RAB5IF: variants seen among roughly 807,000 people sequenced by gnomAD.
RAB5IF encodes the protein GEL complex subunit OPTI.
A neutral mutation model predicts 20.3 loss-of-function variants in RAB5IF; 15 were observed. The observed-to-expected ratio is 0.74, with a 90% CI of 0.50 to 1.14. The LOEUF (loss-of-function observed/expected upper bound fraction) is 1.14. Ranked by LOEUF, RAB5IF falls within the 50% of genes most tolerant of loss-of-function variation. RAB5IF has a pLI of 0.00. For missense variants in RAB5IF, 148 were observed against 159.5 expected (o/e 0.93, Z 0.39); for synonymous variants, 67 against 63.7 (o/e 1.05, Z -0.25).
At chr20:36,606,987 T>C (rs997996075) in intron 1 of RAB5IF, among the ~76,000 whole-genome samples, 5 of 152,218 alleles carry the variant, frequency 3.3e-5, no homozygotes, top group Non-Finnish European at 7.3e-5. Context: ...CTGCAGTCTC[T>C]AATCTGCTGT....
intron 1 of RAB5IF, among the ~76,000 whole-genome samples, chr20:36,607,041 T>C (rs2038950691): frequency 6.6e-6 from 1 of 152,218 alleles, no homozygotes; most frequent in Admixed American, 6.5e-5. Context: ...TTCTGGAATC[T>C]AGGGCAGATC....
intron 1 of RAB5IF, among the ~76,000 whole-genome samples, chr20:36,607,476 C>G (rs990347594): frequency 6.6e-6 from 1 of 152,044 alleles, no homozygotes; most frequent in Non-Finnish European, 1.5e-5. Context: ...GTGATCCACC[C>G]GCCTCGGCCT....
rs1470671486 is a variant in RAB5IF, at chr20:36,605,872, G to C, written c.-80G>C. The C allele has an allele frequency of 6.4e-6, 5 of 779,650 alleles. No homozygotes were observed. The highest frequency in any genetic ancestry group is 7.3e-6 in the Non-Finnish European group (4 of 546,722). The allele number at this position is 779,650 out of a possible 1,614,324, so 48.3% of individuals were successfully genotyped here. A position where few individuals can be genotyped will look rare whatever the true frequency, so the allele number is the denominator to read the frequency against. On this transcript the variant is annotated 5_prime_UTR_variant, in exon 1 of 4. Transcript: ENST00000344795. The stretch of plus-strand genomic sequence containing the variant: ...GCTGAGCCTGCAGCCGCCCCGCGCC[G>C]TGACCTGCGACCCTAGACCCCGACT...
At chr20:36,607,665 C>T (rs776439013) in intron 1 of RAB5IF, 50 bp from the exon 2 acceptor site, 36 of 1,607,878 alleles carry the variant, frequency 2.2e-5, no homozygotes, top group Non-Finnish European at 3.1e-5. Flanking sequence ...CTTTTGCTGT[C>T]TTGTGGCACC....
At chr20:36,608,047 T>C (rs2038976734) in intron 2 of RAB5IF, 4 of 1,214,166 alleles carry the variant, frequency 3.3e-6, no homozygotes, top group Non-Finnish European at 1.1e-6. Context: ...GGCCAGTCCA[T>C]TCATTCATGG....
chr20:36,609,135 A>C (rs1231411454), intron 2 of RAB5IF, among the ~76,000 whole-genome samples: 1 of 145,344 alleles, frequency 6.9e-6, no homozygotes, highest in Non-Finnish European at 1.5e-5. Flanking sequence ...TGTTACTTCA[A>C]GGGGCTTTGG....
Position 36,609,752 on chromosome 20 carries a change from A to G in RAB5IF, c.348+22A>G, listed in dbSNP as rs758916736. 19 of 1,614,020 alleles carry G rather than the reference A, an allele frequency of 1.2e-5. No homozygotes were observed. In the African/African-American group the frequency reaches 1.7e-4, roughly 15 times the overall value. On this transcript the variant is annotated intron_variant, in intron 3 of 3. Transcript: ENST00000344795. ...CATGGTATGTGTAGCTGATAGTTTT[A>G]CAACAGGTACTGTTCATTTCATGAG... is the stretch of plus-strand genomic sequence containing the variant.
At chr20:36,607,512 C>G (rs1457408205) in intron 1 of RAB5IF, among the ~76,000 whole-genome samples, 1 of 152,102 alleles carries the variant, frequency 6.6e-6, no homozygotes, top group Non-Finnish European at 1.5e-5. Context: ...TTACAGGCTT[C>G]AGCCACCACG....
chr20:36,607,754 A>G lies in RAB5IF; in HGVS notation c.154A>G (p.Ile52Val), dbSNP rs778629556. ...LDVIYWFRQI[I>V]AVVLGVIWGV... ...TGTGATCTACTGGTTCCGACAGATC[A>G]TTGCTGTGGTCCTGGGTGTCATTTG... is the stretch of plus-strand genomic sequence containing the variant. Residue 52 changes from isoleucine (I) to valine (V), a missense_variant, in exon 2 of 4, where the codon ATT becomes GTT. By Grantham distance (29) the Ile-to-Val change is conservative (BLOSUM62 3). Transcript: ENST00000344795. 11 of 1,614,076 alleles carry G rather than the reference A, an allele frequency of 6.8e-6. No individual in the cohort carries two copies. Among genetic ancestry groups the G allele is most frequent in the Non-Finnish European group, 9.3e-6 (11 of 1,179,964 alleles).
rs775577217 is a variant in RAB5IF, at chr20:36,611,993, G to A, written c.349-17G>A. 19 of 1,613,940 alleles carry A rather than the reference G, an allele frequency of 1.2e-5. No individual in the cohort carries two copies. The highest frequency in any genetic ancestry group is 1.7e-5 in the Admixed American group (1 of 59,980). ...TTAAGCCAGGTGACCTATGAACAGT[G>A]CTTGTCTCCTCACTAGGTCATTTGG... is the stretch of plus-strand genomic sequence containing the variant. On this transcript the variant is annotated splice_polypyrimidine_tract_variant and intron_variant, in intron 3 of 3. Coordinates refer to ENST00000344795, the MANE Select transcript of RAB5IF (RefSeq NM_018840.5).
chr20:36,609,243 A>ACG (rs2039041087), intron 2 of RAB5IF, among the ~76,000 whole-genome samples: 1 of 132,338 alleles, frequency 7.6e-6, no homozygotes. Flanking sequence ...ACACACACAC[A>ACG]CACACACACA....
Position 36,609,156 on chromosome 20 carries a change from T to TACATACATACATATATACACACACAC in RAB5IF, c.219-442_219-441insTACATACATATATACACACACACACA. On this transcript the variant is annotated intron_variant, in intron 2 of 3. Transcript: ENST00000344795. ...TTCAAGGGGCTTTGGAGAACTATAT[T>TACATACATACATATATACACACACAC]ACACACACACACACACACACACACA... 5.3e-4 allele frequency among the ~76,000 whole-genome samples: 9 copies of TACATACATACATATATACACACACAC among 17,064 alleles called. 1 individual carries two copies. The highest frequency in any genetic ancestry group is 9.0e-4 in the Non-Finnish European group (8 of 8,882). 11.2% of individuals were successfully genotyped at this position (17,064 alleles called of 152,430 possible).
At chr20:36,608,925 G>A (rs1902100950) in intron 2 of RAB5IF, among the ~76,000 whole-genome samples, 5 of 151,538 alleles carry the variant, frequency 3.3e-5, no homozygotes, top group South Asian at 4.2e-4. Context: ...TCATCTTTAC[G>A]TTTGCATCCC....
intron 1 of RAB5IF, among the ~76,000 whole-genome samples, chr20:36,607,259 CTTTTT>C (rs1157365481): frequency 6.1e-4 from 81 of 132,880 alleles, no homozygotes; most frequent in African/African-American, 2.3e-3. Context: ...CTAAATGTAT[CTTTTT>C]TTTTTTTTTT....
intron 2 of RAB5IF, 189 bp downstream of exon 2, chr20:36,608,007 C>T (rs2038976074): frequency 6.8e-7 from 1 of 1,462,270 alleles, no homozygotes; most frequent in Non-Finnish European, 9.1e-7. Flanking sequence ...TCAGGTCAGG[C>T]AGGTTACCTT....
rs1169103824 is a variant in RAB5IF, at chr20:36,612,435, A to G, written c.*384A>G. 1.2e-5 allele frequency: 7 copies of G among 599,326 alleles called. No homozygotes were observed. The highest frequency in any genetic ancestry group is 2.0e-5 in the South Asian group (1 of 50,074). 37.1% of individuals were successfully genotyped at this position (599,326 alleles called of 1,614,324 possible). On this transcript the variant is annotated 3_prime_UTR_variant, in exon 4 of 4. Transcript: ENST00000344795. ...TTTTTAAACTATCAATGGCATTTCA[A>G]GTCTTCTGAAACAGCATGGCTGTAT...
intron 2 of RAB5IF, chr20:36,608,332 C>T: frequency 5.8e-6 from 1 of 173,632 alleles, no homozygotes; most frequent in Non-Finnish European, 1.3e-5. Flanking sequence ...GCAGCCTCGA[C>T]CTCCTGGACT....
rs544836640 is a variant in RAB5IF at position 36,611,931 on chromosome 20, C to G, written c.349-79C>G. ...CTGGAGAGTGCCCCGTGTTTACATT[C>G]TCATCTGGCATTTTTGTTTTGTGGA... On this transcript the variant is annotated intron_variant, in intron 3 of 3. Transcript: ENST00000344795. 1.4e-5 allele frequency: 22 copies of G among 1,589,332 alleles called. No homozygotes were observed. In the African/African-American group the frequency reaches 3.0e-4, roughly 21 times the overall value.
At chr20:36,610,162 T>C (rs1188930317) in intron 3 of RAB5IF, among the ~76,000 whole-genome samples, 1 of 152,062 alleles carries the variant, frequency 6.6e-6, no homozygotes. Flanking sequence ...CGGGCGCCTG[T>C]AATCCCAGCT....
Sources: gnomAD v4.1 joint callset for allele counts (sites outside exome capture counted in the v4.1 genomes callset) on GRCh38, gnomAD v4.1.1 for gene constraint, MANE v1.5 for transcripts, NCBI Gene and HGNC (gene_info 2026-07-23, HGNC 2026-07-21) for gene names.